Variants in LRP3 observed in about 807,000 individuals in gnomAD.
LRP3 encodes the protein low-density lipoprotein receptor-related protein 3.
In LRP3, 49 loss-of-function variants were observed where a neutral mutation model predicts 58.5. The ratio of observed to expected loss-of-function variants is 0.84; its 90% CI spans 0.67 to 1.06. LRP3 has a LOEUF of 1.06. Ranked by LOEUF, LRP3 falls within the 50% of genes least tolerant of loss-of-function variation. The pLI is 0.00. For synonymous variants in LRP3, 485 were observed against 492.2 expected, an observed-to-expected ratio of 0.99 and a Z score of 0.20; for missense variants, 1,019 against 1,134.2, an observed-to-expected ratio of 0.90 and a Z score of 1.46.
chr19:33,207,140 C>G lies in LRP3; in HGVS notation c.1878C>G (p.Thr626=), dbSNP rs763649840. The G allele has an allele frequency of 6.5e-7, 1 of 1,533,796 alleles. No homozygotes were observed. Among genetic ancestry groups the G allele is most frequent in the Non-Finnish European group, 8.7e-7 (1 of 1,143,862 alleles). Residue 626 remains threonine, a synonymous_variant, in exon 7 of 7, where the codon ACC becomes ACG. Coordinates refer to ENST00000253193, the MANE Select transcript of LRP3 (RefSeq NM_002333.4). The part of the protein sequence containing the change: ...RAPRGQIPLL[T]AARPSQTVLG... ...CCCGAGGCCAGATCCCACTGCTGAC[C>G]GCAGCACGCCCCTCACAGACCGTGC...
At chr19:33,202,476 G>A (rs1476449645) in intron 2 of LRP3, among the ~76,000 whole-genome samples, 1 of 152,240 alleles carries the variant, frequency 6.6e-6, no homozygotes, top group African/African-American at 2.4e-5. Context: ...CGGCTGGGCA[G>A]GCCTAGGGGT....
At position 33,203,232 on chromosome 19, in the gene LRP3, ATG is replaced by A. The variant is rs201058074; in HGVS notation, c.260+257_260+258del. 5.5e-3 allele frequency among the ~76,000 whole-genome samples: 833 copies of A among 151,666 alleles called. 2 individuals carry two copies. Among genetic ancestry groups the A allele is most frequent in the Middle Eastern group, 0.014 (4 of 294 alleles). On this transcript the variant is annotated intron_variant, in intron 3 of 6. Coordinates refer to ENST00000253193, the MANE Select transcript of LRP3 (RefSeq NM_002333.4). ...TGTGAGTAGGTGTGTGTGCATGCAG[ATG>A]TGTGTGTGTGAGGTAGGCGTGTGTA...
Position 33,205,330 on chromosome 19 carries a change from C to T in LRP3, c.560C>T (p.Thr187Met), listed in dbSNP as rs752355456. 6.2e-6 allele frequency: 10 copies of T among 1,611,674 alleles called. No homozygotes were observed. The highest frequency in any genetic ancestry group is 4.4e-5 in the South Asian group (4 of 90,810). Reference sequence around the variant, plus strand: ...CTGCCCGGCCCGTGGCAGTGCAACACGGTGGACGAGTGTGGAGACGGCTCT... The same window carrying T: ...CTGCCCGGCCCGTGGCAGTGCAACATGGTGGACGAGTGTGGAGACGGCTCT... ...KCLPGPWQCN[T>M]VDECGDGSDE... Residue 187 changes from threonine (T) to methionine (M), a missense_variant, in exon 5 of 7, where the codon ACG becomes ATG. Thr to Met is a moderately conservative substitution (Grantham distance 81). Coordinates refer to ENST00000253193, the MANE Select transcript of LRP3 (RefSeq NM_002333.4).
intron 1 of LRP3, among the ~76,000 whole-genome samples, chr19:33,195,949 C>T (rs1303006225): frequency 2.0e-5 from 3 of 152,094 alleles, no homozygotes; most frequent in Admixed American, 6.5e-5. Context: ...TGCTTCCTGG[C>T]CAGGCGGGAT....
In LRP3 at chr19:33,204,886, G is replaced by A. The variant is rs200822001; in HGVS notation, c.475+34G>A. The A allele has an allele frequency of 2.3e-4, 365 of 1,593,930 alleles. 2 individuals are homozygous for A. The African/African-American group carries it at 3.2e-3, about 14-fold the overall frequency. ...GGCTGCAGGGCAGGCAGGACACCAC[G>A]GAGCACACCGTGCATGCCCACAGGC... is the stretch of plus-strand genomic sequence containing the variant. On this transcript the variant is annotated intron_variant, in intron 4 of 6. Coordinates refer to ENST00000253193, the MANE Select transcript of LRP3 (RefSeq NM_002333.4).
chr19:33,204,795 C>T lies in LRP3; in HGVS notation c.418C>T (p.His140Tyr), dbSNP rs1360600348. ...CCGCGACCATGTCTGGATTTTCTTC[C>T]ACTCAGACGCCTCCAGCTCCGGCCA... ...SARDHVWIFF[H>Y]SDASSSGQAQ... Residue 140 changes from histidine to tyrosine, a missense_variant, in exon 4 of 7, where the codon CAC (histidine) becomes TAC (tyrosine). By Grantham distance (83) the His-to-Tyr change is moderately conservative. This residue lies in a region of LRP3 where 592 missense variants were observed against 725.5 expected (regional missense o/e 0.82). Transcript: ENST00000253193. 4 of 1,613,500 alleles carry T rather than the reference C, an allele frequency of 2.5e-6. No homozygotes were observed. Among genetic ancestry groups the T allele is most frequent in the Non-Finnish European group, 3.4e-6 (4 of 1,179,996 alleles).
At chr19:33,204,582 G>T in intron 3 of LRP3, 56 bp from the exon 4 acceptor site, 1 of 1,314,990 alleles carries the variant, frequency 7.6e-7, no homozygotes, top group Non-Finnish European at 1.1e-6. Flanking sequence ...GCTGGTCCTC[G>T]GCCATGGAGA....
intron 2 of LRP3, among the ~76,000 whole-genome samples, chr19:33,200,532 CTT>C (rs1008492888): frequency 6.6e-6 from 1 of 152,168 alleles, no homozygotes; most frequent in African/African-American, 2.4e-5. Flanking sequence ...CACCCGGTCT[CTT>C]TTGGATTTCT....
chr19:33,196,029 C>G (rs531536576), intron 1 of LRP3, among the ~76,000 whole-genome samples: 7 of 152,192 alleles, frequency 4.6e-5, no homozygotes, highest in Admixed American at 6.5e-5. Flanking sequence ...CGTAACCCCC[C>G]GGGCCAGAGC....
intron 2 of LRP3, among the ~76,000 whole-genome samples, chr19:33,199,679 A>T (rs1195235223): frequency 1.3e-5 from 2 of 152,092 alleles, no homozygotes; most frequent in African/African-American, 4.8e-5. Flanking sequence ...CCCAGGGGTG[A>T]GGCTGTTTGG....
Position 33,197,850 on chromosome 19 carries a change from T to C in LRP3, c.121+1073T>C, listed in dbSNP as rs1488619215. ...CAGGGTGCACAGAAGCTGTGCTCACTGGCTCCTCTGGCAGGCTTGGGCCTC... is the reference window on the plus strand; with the variant it reads ...CAGGGTGCACAGAAGCTGTGCTCACCGGCTCCTCTGGCAGGCTTGGGCCTC... On this transcript the variant is annotated intron_variant, in intron 2 of 6. Coordinates refer to ENST00000253193, the MANE Select transcript of LRP3 (RefSeq NM_002333.4). Among the ~76,000 whole-genome samples the C allele has an allele frequency of 2.0e-5, 3 of 152,310 alleles. No individual in the cohort carries two copies. In the East Asian group the frequency reaches 5.8e-4, roughly 29 times the overall value.
At position 33,207,347 on chromosome 19, in the gene LRP3, C is replaced by T. The variant is rs767566045; in HGVS notation, c.2085C>T (p.Pro695=). 33 of 1,585,516 alleles carry T rather than the reference C, an allele frequency of 2.1e-5. No homozygotes were observed. Among genetic ancestry groups the T allele is most frequent in the South Asian group, 4.5e-5 (4 of 88,620 alleles). The change falls in exon 7 of 7, where the codon CCC becomes CCT. Residue 695 remains proline (P), a synonymous_variant. Coordinates refer to ENST00000253193, the MANE Select transcript of LRP3 (RefSeq NM_002333.4). Reference sequence around the variant, plus strand: ...GCCTGCGAGACCCAGAGTGCAGGCCCGTGGACAAGGACAGAAAGGTCTGCA... The same window carrying T: ...GCCTGCGAGACCCAGAGTGCAGGCCTGTGGACAAGGACAGAAAGGTCTGCA... ...PSGLRDPECR[P]VDKDRKVCRE... is the part of the protein sequence containing the mutation.
In LRP3 at chr19:33,208,456, T is replaced by C; in HGVS notation, c.*881T>C. 3.9e-6 allele frequency: 1 copy of C among 255,618 alleles called. No individual in the cohort carries two copies. The allele number at this position is 255,618 out of a possible 1,614,324, so 15.8% of individuals were successfully genotyped here. On this transcript the variant is annotated 3_prime_UTR_variant, in exon 7 of 7. Transcript: ENST00000253193. The surrounding 1 kb of genome is among the most constrained non-coding windows in gnomAD (Gnocchi z 4.7). ...CTGGGGTAGGGGCGGACTGAGCTGC[T>C]ACCCCATCCTCGACATCCCTTTAGG...
rs1408625467 is a variant in LRP3 at position 33,194,848 on chromosome 19, CGTCT to C, written c.69_72del (p.Cys23TrpfsTer2). ...CGGGCGCCCGGGCGCAGCTGGCCGT[CGTCT>C]GTCTGGGTGAGTGGGCCGCGCGGGC... On this transcript the variant is annotated frameshift_variant, in exon 1 of 7. Transcript: ENST00000253193. LOFTEE classifies it high-confidence loss of function. The C allele has an allele frequency of 9.0e-7, 1 of 1,113,456 alleles. No homozygotes were observed. Among genetic ancestry groups the C allele is most frequent in the African/African-American group, 1.7e-5 (1 of 59,884 alleles). The allele number at this position is 1,113,456 out of a possible 1,614,324, so 69.0% of individuals were successfully genotyped here.
chr19:33,204,362 G>T (rs1293241688), intron 3 of LRP3: 3 of 517,196 alleles, frequency 5.8e-6, no homozygotes, highest in Non-Finnish European at 1.0e-5. Context: ...TGCACTGATG[G>T]AGGGAAGGGG....
intron 2 of LRP3, among the ~76,000 whole-genome samples, chr19:33,198,944 C>T (rs1974313190): frequency 6.6e-6 from 1 of 152,198 alleles, no homozygotes; most frequent in Admixed American, 6.5e-5. Context: ...GCAGTGTCCT[C>T]TCAGGAATAT....
chr19:33,196,002 C>A (rs1410794819), intron 1 of LRP3, among the ~76,000 whole-genome samples: 3 of 149,144 alleles, frequency 2.0e-5, no homozygotes, highest in African/African-American at 7.8e-5. Flanking sequence ...TTTCCCCCCA[C>A]CCCCCGACTC....
At chr19:33,199,383 A>T (rs1212225659) in intron 2 of LRP3, among the ~76,000 whole-genome samples, 1 of 150,486 alleles carries the variant, frequency 6.6e-6, no homozygotes, top group East Asian at 2.0e-4. Context: ...CTGAGGTGGG[A>T]GGATCACTTG....
Position 33,207,125 on chromosome 19 carries a change from G to C in LRP3, c.1863G>C (p.Gln621His). ...LFHRPRAPRG[Q>H]IPLLTAARPS... Reference sequence around the variant, plus strand: ...ACCGGCCGCGGGCGCCCCGAGGCCAGATCCCACTGCTGACCGCAGCACGCC... The same window carrying C: ...ACCGGCCGCGGGCGCCCCGAGGCCACATCCCACTGCTGACCGCAGCACGCC... Residue 621 changes from glutamine (Q) to histidine (H), a missense_variant, in exon 7 of 7, where the codon CAG becomes CAC. Physicochemically the swap from Gln to His is conservative, Grantham distance 24. Transcript: ENST00000253193. The C allele has an allele frequency of 6.5e-7, 1 of 1,531,266 alleles. No individual in the cohort carries two copies. The highest frequency in any genetic ancestry group is 8.8e-7 in the Non-Finnish European group (1 of 1,142,638). 94.9% of individuals were successfully genotyped at this position (1,531,266 alleles called of 1,614,324 possible). A position where few individuals can be genotyped will look rare whatever the true frequency, so the allele number is the denominator to read the frequency against.
Sources: allele counts gnomAD v4.1 joint callset (sites outside exome capture counted in the v4.1 genomes callset), GRCh38; gene constraint gnomAD v4.1.1; regional missense constraint gnomAD v4.1.1; non-coding constraint Gnocchi (gnomAD v3.1); transcripts MANE v1.5; gene names NCBI Gene and HGNC (gene_info 2026-07-23, HGNC 2026-07-21).